Variants in FSTL5 observed in about 807,000 individuals in gnomAD.
FSTL5 encodes follistatin like 5, also known as follistatin-related protein 5.
FSTL5 carries 62 observed loss-of-function variants against 89.1 expected under a neutral mutation model. The ratio of observed to expected loss-of-function variants is 0.70; its 90% confidence interval spans 0.57 to 0.86. The LOEUF (loss-of-function observed/expected upper bound fraction) is 0.86, where lower values mean the gene tolerates loss of function less well. Among genes scored for constraint, FSTL5 ranks in the 40% least tolerant of loss-of-function variants. The probability of loss-of-function intolerance (pLI) is 0.00; values close to 1 mark genes in which losing one functional copy is unlikely to be tolerated. For missense variants in FSTL5, 1,057 were observed against 1,001.6 expected (o/e 1.06, Z -0.75); for synonymous variants, 383 against 346.2 (o/e 1.11, Z -1.18).
intron 2 of FSTL5, among the ~76,000 whole-genome samples, chr4:162,057,955 A>T (rs1224940876): frequency 6.6e-6 from 1 of 152,142 alleles, no homozygotes; most frequent in Non-Finnish European, 1.5e-5. Context: ...AAAGAATAAA[A>T]ATAATAATAA....
intron 4 of FSTL5, among the ~76,000 whole-genome samples, chr4:161,778,868 G>C (rs1398302703): frequency 6.6e-6 from 1 of 152,190 alleles, no homozygotes; most frequent in Admixed American, 6.5e-5. Flanking sequence ...GCATCAGGAA[G>C]GAGAGAAATG....
At chr4:161,541,231 G>C (rs1731808884) in intron 9 of FSTL5, among the ~76,000 whole-genome samples, 1 of 151,916 alleles carries the variant, frequency 6.6e-6, no homozygotes, top group Non-Finnish European at 1.5e-5. Flanking sequence ...AACTTCAACT[G>C]TTTTTCCCTG....
At chr4:161,623,520 T>C (rs1735212899) in intron 7 of FSTL5, among the ~76,000 whole-genome samples, 1 of 151,996 alleles carries the variant, frequency 6.6e-6, no homozygotes, top group Non-Finnish European at 1.5e-5. Context: ...AATTTTCCTG[T>C]TTGTTAAAAT....
chr4:161,778,396 C>T (rs1467181790), intron 4 of FSTL5, among the ~76,000 whole-genome samples: 10 of 151,914 alleles, frequency 6.6e-5, no homozygotes, highest in Non-Finnish European at 1.5e-4. Context: ...TCAATTTTGA[C>T]AATTAGGCTT....
intron 6 of FSTL5, among the ~76,000 whole-genome samples, chr4:161,757,958 T>C (rs1175552717): frequency 6.6e-6 from 1 of 152,146 alleles, no homozygotes; most frequent in Non-Finnish European, 1.5e-5. Context: ...AAGTAGCTAA[T>C]CTAACAACAC....
rs1048344129 is a variant in FSTL5 at position 161,468,188 on chromosome 4, C to T, written c.1609-8869G>A. On this transcript the variant is annotated intron_variant, in intron 13 of 15. Coordinates refer to ENST00000306100, the MANE Select transcript of FSTL5 (RefSeq NM_020116.5). ...ATACAGTTCTCCAGAGCTGAGTGAG[C>T]GACCCCCACTACATACTACTGCCTC... Among the ~76,000 whole-genome samples the T allele has an allele frequency of 9.2e-5, 14 of 151,842 alleles. No homozygotes were observed. In the South Asian group the frequency reaches 1.0e-3, roughly 11 times the overall value.
chr4:161,830,856 T>A (rs879320501), intron 4 of FSTL5, among the ~76,000 whole-genome samples: 14 of 151,752 alleles, frequency 9.2e-5, no homozygotes, highest in Non-Finnish European at 2.1e-4. Flanking sequence ...AAAATTGGGG[T>A]TGGAAGGTGT....
intron 15 of FSTL5, among the ~76,000 whole-genome samples, chr4:161,393,553 T>G (rs1357124713): frequency 6.6e-6 from 1 of 152,100 alleles, no homozygotes; most frequent in African/African-American, 2.4e-5. Context: ...TACATTTTTG[T>G]TATGTTAGGC....
intron 2 of FSTL5, among the ~76,000 whole-genome samples, chr4:162,106,749 G>T (rs563425294): frequency 3.3e-5 from 5 of 152,042 alleles, no homozygotes; most frequent in African/African-American, 4.8e-5. Flanking sequence ...TAACGCTAAG[G>T]TTTTAATGAA....
chr4:161,627,445 A>G (rs182721751), intron 7 of FSTL5, among the ~76,000 whole-genome samples: 1 of 152,322 alleles, frequency 6.6e-6, no homozygotes, highest in African/African-American at 2.4e-5. Flanking sequence ...TAGTATAAAT[A>G]TAACTTTTAT....
At chr4:162,032,341 G>A (rs1401630078) in intron 3 of FSTL5, among the ~76,000 whole-genome samples, 1 of 152,074 alleles carries the variant, frequency 6.6e-6, no homozygotes, top group Non-Finnish European at 1.5e-5. Flanking sequence ...ACATCTTGAA[G>A]TAAAAATTCC....
intron 8 of FSTL5, among the ~76,000 whole-genome samples, chr4:161,573,201 A>C: frequency 6.6e-6 from 1 of 151,922 alleles, no homozygotes; most frequent in South Asian, 2.1e-4. Flanking sequence ...CTTGAGTCAA[A>C]GAGTTTCGGA....
chr4:162,067,819 A>T (rs1172095427), intron 2 of FSTL5, among the ~76,000 whole-genome samples: 2 of 152,108 alleles, frequency 1.3e-5, no homozygotes, highest in Non-Finnish European at 2.9e-5. Flanking sequence ...TTAGCCCAAA[A>T]GCATTTAAGC....
intron 8 of FSTL5, among the ~76,000 whole-genome samples, chr4:161,564,285 G>A (rs1227817088): frequency 1.3e-5 from 2 of 150,694 alleles, no homozygotes; most frequent in Non-Finnish European, 3.0e-5. Context: ...CACAGTTCCA[G>A]TATATGACCT....
intron 4 of FSTL5, among the ~76,000 whole-genome samples, chr4:161,882,634 G>T (rs892794761): frequency 5.3e-5 from 8 of 151,970 alleles, no homozygotes; most frequent in African/African-American, 1.9e-4. Flanking sequence ...AACTTCAAAG[G>T]ATGACTAAGG....
At chr4:161,407,841 C>T (rs370151500) in intron 15 of FSTL5, among the ~76,000 whole-genome samples, 1 of 152,170 alleles carries the variant, frequency 6.6e-6, no homozygotes, top group Non-Finnish European at 1.5e-5. Context: ...GTGCTTTGCT[C>T]CACCTCAATG....
chr4:161,775,809 T>A (rs898461421), intron 5 of FSTL5, 69 bp downstream of exon 5: 1 of 806,594 alleles, frequency 1.2e-6, no homozygotes, highest in Non-Finnish European at 1.8e-6. Context: ...ATAGAGTAAA[T>A]TTAGAAAAAG....
rs548559981 is a variant in FSTL5 at position 161,578,286 on chromosome 4, C to T, written c.1015+9169G>A. Among the ~76,000 whole-genome samples the T allele has an allele frequency of 2.6e-5, 4 of 151,856 alleles. No individual in the cohort carries two copies. The South Asian group carries it at 8.3e-4, about 32-fold the overall frequency. On this transcript the variant is annotated intron_variant, in intron 8 of 15. Coordinates refer to ENST00000306100, the MANE Select transcript of FSTL5 (RefSeq NM_020116.5). ...ATTATTTTTTAAATAGAATTTATGT[C>T]GTTGAAAAATATAATATCTAAAATA...
chr4:162,153,783 A>ATATATATG (rs1276603542), intron 1 of FSTL5, among the ~76,000 whole-genome samples: 1 of 122,516 alleles, frequency 8.2e-6, no homozygotes, highest in Non-Finnish European at 1.8e-5. Flanking sequence ...ATATGTATAC[A>ATATATATG]TATATATGTA....
Sources: gnomAD v4.1 joint callset for allele counts (sites outside exome capture counted in the v4.1 genomes callset) on GRCh38, gnomAD v4.1.1 for gene constraint, MANE v1.5 for transcripts, NCBI Gene and HGNC (gene_info 2026-07-23, HGNC 2026-07-21) for gene names.